FOCAD: variants seen among roughly 807,000 people sequenced by gnomAD.
The protein encoded by FOCAD is KIAA1797.
FOCAD carries 198 observed loss-of-function variants against 225.6 expected under a neutral mutation model. The ratio of observed to expected loss-of-function variants is 0.88; its 90% confidence interval spans 0.78 to 0.99. The LOEUF (loss-of-function observed/expected upper bound fraction) is 0.99, where lower values mean the gene tolerates loss of function less well. Ranked by LOEUF, FOCAD falls within the 50% of genes least tolerant of loss-of-function variation. The pLI is 0.00. For missense variants in FOCAD, 2,713 were observed against 2,123.6 expected (o/e 1.28, Z -5.46); for synonymous variants, 897 against 755.0 (o/e 1.19, Z -3.08).
intron 17 of FOCAD, among the ~76,000 whole-genome samples, chr9:20,866,327 G>T (rs1829234471): frequency 6.6e-6 from 1 of 151,942 alleles, no homozygotes; most frequent in Non-Finnish European, 1.5e-5. Flanking sequence ...CCATTTTTTA[G>T]ATGTTGTTTC....
intron 19 of FOCAD, chr9:20,875,845 G>T (rs1181627410): frequency 3.9e-5 from 6 of 152,072 alleles, no homozygotes; most frequent in African/African-American, 1.4e-4. Context: ...TTGTGATTAA[G>T]TAGCTTTTCT....
chr9:20,713,550 A>G (rs1825047736), intron 1 of FOCAD, among the ~76,000 whole-genome samples: 1 of 151,976 alleles, frequency 6.6e-6, no homozygotes, highest in Non-Finnish European at 1.5e-5. Context: ...ATCTTCTAAC[A>G]TATTTTATGT....
At chr9:20,805,989 C>A (rs1408637405) in intron 11 of FOCAD, among the ~76,000 whole-genome samples, 4 of 152,134 alleles carry the variant, frequency 2.6e-5, no homozygotes, top group African/African-American at 7.2e-5. Context: ...GGAGCAGGTT[C>A]ATATGTGCTA....
At chr9:20,926,964 TTAA>T (rs1374632357) in intron 26 of FOCAD, among the ~76,000 whole-genome samples, 2 of 149,824 alleles carry the variant, frequency 1.3e-5, no homozygotes, top group East Asian at 3.9e-4. Flanking sequence ...TGTGTAAATA[TTAA>T]TGTTATATAT....
chr9:20,908,123 TAAC>T (rs1373260310), intron 22 of FOCAD, among the ~76,000 whole-genome samples: 1 of 152,118 alleles, frequency 6.6e-6, no homozygotes, highest in Non-Finnish European at 1.5e-5. Context: ...AATATACAGT[TAAC>T]AATACAAGAA....
intron 1 of FOCAD, among the ~76,000 whole-genome samples, chr9:20,712,864 C>G (rs574119245): frequency 6.7e-6 from 1 of 149,656 alleles, no homozygotes; most frequent in East Asian, 2.0e-4. Context: ...TCCTGAGTAA[C>G]TGGGATTATA....
chr9:20,761,507 G>A (rs1330459856), intron 6 of FOCAD, among the ~76,000 whole-genome samples: 1 of 151,926 alleles, frequency 6.6e-6, no homozygotes, highest in Non-Finnish European at 1.5e-5. Flanking sequence ...TGCAACCTCT[G>A]CCTCACGGGT....
intron 10 of FOCAD, 126 bp downstream of exon 10, chr9:20,782,055 C>G: frequency 1.3e-6 from 1 of 756,596 alleles, no homozygotes; most frequent in African/African-American, 1.7e-5. Flanking sequence ...TCAGGTAGTG[C>G]TGTTGGAGAT....
chr9:20,796,585 A>C (rs903878846), intron 11 of FOCAD, among the ~76,000 whole-genome samples: 2 of 152,042 alleles, frequency 1.3e-5, no homozygotes, highest in Non-Finnish European at 2.9e-5. Flanking sequence ...GCATTTTTTC[A>C]TGTGTCTTTT....
At chr9:20,697,043 C>T (rs907700234) in intron 1 of FOCAD, among the ~76,000 whole-genome samples, 1 of 152,086 alleles carries the variant, frequency 6.6e-6, no homozygotes, top group Non-Finnish European at 1.5e-5. Flanking sequence ...GAACTGTGAG[C>T]CAATAGGTTT....
intron 15 of FOCAD, among the ~76,000 whole-genome samples, chr9:20,828,804 C>A (rs1825183932): frequency 6.6e-6 from 1 of 152,068 alleles, no homozygotes; most frequent in Non-Finnish European, 1.5e-5. Flanking sequence ...CCTCCCCTGA[C>A]AGTTCTTGGT....
intron 30 of FOCAD, 102 bp downstream of exon 30, chr9:20,946,922 A>G (rs1837239742): frequency 3.4e-6 from 5 of 1,451,444 alleles, no homozygotes; most frequent in Non-Finnish European, 4.7e-6. Context: ...GATATTTTTC[A>G]TGTCTAGAAC....
chr9:20,977,658 T>A (rs1445251011), intron 36 of FOCAD, among the ~76,000 whole-genome samples: 2 of 152,202 alleles, frequency 1.3e-5, no homozygotes, highest in Non-Finnish European at 2.9e-5. Context: ...ATAAAACAAC[T>A]TCTATACTGT....
chr9:20,981,823 G>T, intron 38 of FOCAD, 137 bp downstream of exon 38: 1 of 959,872 alleles, frequency 1.0e-6, no homozygotes, highest in Non-Finnish European at 1.5e-6. Context: ...TCTTTACTAG[G>T]AGTGTATTTG....
intron 4 of FOCAD, among the ~76,000 whole-genome samples, chr9:20,726,937 A>G (rs1826245560): frequency 6.6e-6 from 1 of 152,114 alleles, no homozygotes; most frequent in African/African-American, 2.4e-5. Flanking sequence ...TGCCTTTATG[A>G]GGTTTCCTCC....
At chr9:20,791,219 G>GCACACACACACACA (rs563531943) in intron 11 of FOCAD, among the ~76,000 whole-genome samples, 3 of 106,716 alleles carry the variant, frequency 2.8e-5, no homozygotes, top group Non-Finnish European at 3.9e-5. Context: ...ATATATGCAT[G>GCACACACACACACA]CACACACACA....
intron 15 of FOCAD, among the ~76,000 whole-genome samples, chr9:20,856,742 T>A (rs1054031333): frequency 1.8e-4 from 28 of 152,114 alleles, no homozygotes; most frequent in African/African-American, 6.8e-4. Flanking sequence ...TTTAAGTCTT[T>A]AATCCATTTT....
At chr9:20,853,787 A>C (rs948167383) in intron 15 of FOCAD, among the ~76,000 whole-genome samples, 4 of 151,788 alleles carry the variant, frequency 2.6e-5, no homozygotes, top group Non-Finnish European at 5.9e-5. Flanking sequence ...TCAGACATTA[A>C]AAGGCTGTGA....
intron 4 of FOCAD, among the ~76,000 whole-genome samples, chr9:20,730,698 G>T (rs527743266): frequency 1.3e-5 from 2 of 152,012 alleles, no homozygotes; most frequent in Non-Finnish European, 1.5e-5. Context: ...TTCTTGCCCC[G>T]GTCTTAATAT....
Sources: gnomAD v4.1 joint callset for allele counts (sites outside exome capture counted in the v4.1 genomes callset) on GRCh38, gnomAD v4.1.1 for gene constraint, MANE v1.5 for transcripts, NCBI Gene and HGNC (gene_info 2026-07-23, HGNC 2026-07-21) for gene names.